NTRK3: variants seen among roughly 807,000 people sequenced by gnomAD.
NTRK3 encodes the protein NT-3 growth factor receptor.
A neutral mutation model predicts 91.7 loss-of-function variants in NTRK3; 24 were observed. The observed-to-expected ratio is 0.26, with a 90% CI of 0.19 to 0.37. NTRK3 has a LOEUF of 0.37. Ranked by LOEUF, NTRK3 falls within the 10% of genes least tolerant of loss-of-function variation. The pLI, the probability that NTRK3 is intolerant of heterozygous loss-of-function variation, is 1.00. For missense variants in NTRK3, 880 were observed against 1,068.9 expected (o/e 0.82, Z 2.46); for synonymous variants, 483 against 404.0 (o/e 1.20, Z -2.34).
chr15:88,250,423 A>G (rs2053232841), intron 3 of NTRK3, among the ~76,000 whole-genome samples: 1 of 152,262 alleles, frequency 6.6e-6, no homozygotes, highest in Non-Finnish European at 1.5e-5. Context: ...TGTAAACTAA[A>G]AATAATGATA....
At chr15:87,960,005 G>C (rs967687898) in intron 14 of NTRK3, among the ~76,000 whole-genome samples, 2 of 152,220 alleles carry the variant, frequency 1.3e-5, no homozygotes, top group Admixed American at 6.5e-5. Flanking sequence ...AAGAAGTGGG[G>C]AGCAGACCCC....
chr15:87,929,212 G>A (rs1164963177), exon 17 of NTRK3: 1 of 1,614,166 alleles, frequency 6.2e-7, no homozygotes, highest in Admixed American at 1.7e-5. Context: ...CCGTGCTGTA[G>A]ACATCTCTGG....
chr15:87,941,881 T>G (rs989969100), intron 14 of NTRK3, among the ~76,000 whole-genome samples: 3 of 152,232 alleles, frequency 2.0e-5, no homozygotes, highest in African/African-American at 7.2e-5. Context: ...ACCTTTACAT[T>G]AATTGTTCAA....
intron 14 of NTRK3, among the ~76,000 whole-genome samples, chr15:87,999,305 C>G (rs2075932757): frequency 6.6e-6 from 1 of 152,154 alleles, no homozygotes; most frequent in South Asian, 2.1e-4. Context: ...TGATGCTTAC[C>G]TTTGTTCCTT....
chr15:88,032,940 A>G, exon 14 of NTRK3: 1 of 1,613,550 alleles, frequency 6.2e-7, no homozygotes, highest in East Asian at 2.2e-5. Context: ...GCCAATGACC[A>G]CAGTGTCGGG....
At chr15:88,140,183 A>C (rs1341673898) in intron 6 of NTRK3, among the ~76,000 whole-genome samples, 4 of 152,210 alleles carry the variant, frequency 2.6e-5, no homozygotes, top group Non-Finnish European at 5.9e-5. Flanking sequence ...GTGAACAAAG[A>C]GGTCTGTAAA....
chr15:87,899,821 C>T (rs2066344896), intron 17 of NTRK3, among the ~76,000 whole-genome samples: 1 of 152,132 alleles, frequency 6.6e-6, no homozygotes, highest in African/African-American at 2.4e-5. Flanking sequence ...TATCTAGCTT[C>T]TCTGAGCTGG....
chr15:87,991,999 A>G (rs942900085), intron 14 of NTRK3, among the ~76,000 whole-genome samples: 8 of 151,474 alleles, frequency 5.3e-5, no homozygotes, highest in Non-Finnish European at 1.2e-4. Flanking sequence ...ATCTTGGCTT[A>G]TGCTTCCTCA....
intron 8 of NTRK3, 45 bp downstream of exon 8, chr15:88,136,422 A>G: frequency 1.2e-6 from 2 of 1,613,696 alleles, no homozygotes; most frequent in Non-Finnish European, 1.7e-6. Flanking sequence ...CTACAGTGTG[A>G]TCACTCCCTA....
At chr15:88,089,392 C>A (rs1025316256) in intron 13 of NTRK3, among the ~76,000 whole-genome samples, 1 of 152,150 alleles carries the variant, frequency 6.6e-6, no homozygotes, top group Admixed American at 6.5e-5. Context: ...GATTTATGCA[C>A]AATGACATCC....
chr15:88,151,679 G>A lies in NTRK3; in HGVS notation c.396-4276C>T, dbSNP rs185601170. On this transcript the variant is annotated intron_variant, in intron 5 of 18. Coordinates refer to ENST00000394480, the Ensembl canonical transcript of NTRK3. ...CCCTTTGGGGGTTGAGAGTTGAGGA[G>A]ACATTAAGCCCCATCCAAAAAGTGG... 2.9e-3 allele frequency among the ~76,000 whole-genome samples: 442 copies of A among 152,332 alleles called. 2 individuals are homozygous for A. Among genetic ancestry groups the A allele is most frequent in the Middle Eastern group, 6.8e-3 (2 of 294 alleles).
intron 14 of NTRK3, among the ~76,000 whole-genome samples, chr15:87,961,994 T>TAG (rs753328690): frequency 2.0e-5 from 3 of 152,200 alleles, no homozygotes; most frequent in Non-Finnish European, 4.4e-5. Context: ...GCCTGGCAGA[T>TAG]AGGAAGGGCC....
chr15:87,907,611 C>T (rs1293159025), intron 17 of NTRK3, among the ~76,000 whole-genome samples: 1 of 152,122 alleles, frequency 6.6e-6, no homozygotes, highest in African/African-American at 2.4e-5. Flanking sequence ...TAGGAAGCAG[C>T]CTCTGGCCTG....
chr15:88,231,633 C>A (rs2051188537), intron 3 of NTRK3, among the ~76,000 whole-genome samples: 1 of 152,176 alleles, frequency 6.6e-6, no homozygotes, highest in African/African-American at 2.4e-5. Flanking sequence ...CATCCATCAA[C>A]ACCAGTGTAA....
intron 14 of NTRK3, among the ~76,000 whole-genome samples, chr15:88,001,975 A>T (rs926506261): frequency 1.3e-5 from 2 of 152,138 alleles, no homozygotes; most frequent in African/African-American, 4.8e-5. Context: ...ACATACATAC[A>T]TGCCAGTTGT....
At chr15:87,968,526 G>GA (rs199589801) in intron 14 of NTRK3, among the ~76,000 whole-genome samples, 34 of 149,272 alleles carry the variant, frequency 2.3e-4, no homozygotes, top group East Asian at 9.8e-4. Flanking sequence ...CTTCAAGGTA[G>GA]AAAAAAAAAC....
chr15:88,166,136 C>G (rs551646215), intron 5 of NTRK3, among the ~76,000 whole-genome samples: 24 of 152,268 alleles, frequency 1.6e-4, no homozygotes, highest in Admixed American at 3.9e-4. Flanking sequence ...ACCCTGGGAG[C>G]TCTGGTCTGG....
chr15:87,907,084 C>T (rs1306826890), intron 17 of NTRK3, among the ~76,000 whole-genome samples: 1 of 152,076 alleles, frequency 6.6e-6, no homozygotes, highest in African/African-American at 2.4e-5. Flanking sequence ...CAACTTTAGA[C>T]AATCAAACAT....
chr15:87,918,696 G>A (rs1385106575), intron 17 of NTRK3, among the ~76,000 whole-genome samples: 1 of 152,056 alleles, frequency 6.6e-6, no homozygotes, highest in Non-Finnish European at 1.5e-5. Flanking sequence ...ATTTCCTTGT[G>A]TTCTATTCAT....
Sources: gnomAD v4.1 joint callset for allele counts (sites outside exome capture counted in the v4.1 genomes callset) on GRCh38, gnomAD v4.1.1 for gene constraint, MANE v1.5 for transcripts, NCBI Gene and HGNC (gene_info 2026-07-23, HGNC 2026-07-21) for gene names.